The following ITPRID2 variants were observed in gnomAD, a reference collection of about 807,000 sequenced individuals.
ITPRID2 encodes protein ITPRID2.
Under a neutral mutation model 124.3 loss-of-function variants are expected in ITPRID2, and 60 were observed. That is an observed-to-expected ratio of 0.48 (90% CI 0.39 to 0.60). ITPRID2 has a LOEUF of 0.60. ITPRID2 is among the 20% of genes least tolerant of loss of function. The pLI, the probability that ITPRID2 is intolerant of heterozygous loss-of-function variation, is 0.00. For synonymous variants in ITPRID2, 521 were observed against 542.9 expected, an observed-to-expected ratio of 0.96 and a Z score of 0.56; for missense variants, 1,553 against 1,512.2, an observed-to-expected ratio of 1.03 and a Z score of -0.45.
rs772172499 is a variant in ITPRID2, at chr2:181,900,879, A to G, written c.687A>G (p.Val229=). ...GTGCTCAGATGCAACGGATGGAAGT[A>G]GAAAACCCAAATTATGCTTTAACAA... is the stretch of plus-strand genomic sequence containing the variant. ...FLSAQMQRME[V]ENPNYALTSR... Residue 229 remains valine, a synonymous_variant, in exon 7 of 18, where the codon GTA becomes GTG. Coordinates refer to ENST00000431877, the MANE Select transcript of ITPRID2 (RefSeq NM_001130445.3). 3.7e-6 allele frequency: 6 copies of G among 1,610,584 alleles called. No homozygotes were observed. Among genetic ancestry groups the G allele is most frequent in the East Asian group, 4.5e-5 (2 of 44,756 alleles).
chr2:181,920,450 G>T (rs572716486), intron 14 of ITPRID2, 147 bp from the exon 15 acceptor site: 5 of 493,916 alleles, frequency 1.0e-5, no homozygotes, highest in African/African-American at 9.9e-5. Context: ...GTGACATAAA[G>T]GGATGCTTCC....
Position 181,915,376 on chromosome 2 carries a change from T to C in ITPRID2, c.1736T>C (p.Leu579Pro), listed in dbSNP as rs767541170. The C allele has an allele frequency of 6.2e-7, 1 of 1,614,108 alleles. No homozygotes were observed. The highest frequency in any genetic ancestry group is 2.2e-5 in the East Asian group (1 of 44,872). Reference protein sequence around the residue: ...EESLVPLQKGLEKAAAVADKR... With the variant: ...EESLVPLQKGPEKAAAVADKR... ...TCTCTTGTCCCTCTTCAGAAGGGACTAGAGAAGGCAGCAGCAGTTGCAGAC... is the reference window on the plus strand; with the variant it reads ...TCTCTTGTCCCTCTTCAGAAGGGACCAGAGAAGGCAGCAGCAGTTGCAGAC... Residue 579 changes from leucine (L) to proline (P), a missense_variant, in exon 11 of 18, where the codon CTA (leucine) becomes CCA (proline). Transcript: ENST00000431877.
At chr2:181,926,213 G>T (rs148952424) in intron 16 of ITPRID2, among the ~76,000 whole-genome samples, 1 of 151,648 alleles carries the variant, frequency 6.6e-6, no homozygotes, top group South Asian at 2.1e-4. Context: ...GCAGTGAGCC[G>T]AGATTGCGCC....
chr2:181,921,231 A>G (rs1212697834), intron 15 of ITPRID2, among the ~76,000 whole-genome samples: 1 of 151,848 alleles, frequency 6.6e-6, no homozygotes, highest in Non-Finnish European at 1.5e-5. Context: ...TAATCCCAGC[A>G]TTTTGGGAGG....
chr2:181,896,771 A>G lies in ITPRID2; in HGVS notation c.308-137A>G. 1.4e-6 allele frequency: 1 copy of G among 694,390 alleles called. No homozygotes were observed. Among genetic ancestry groups the G allele is most frequent in the Non-Finnish European group, 2.6e-6 (1 of 388,678 alleles). The allele number at this position is 694,390 out of a possible 1,614,324, so 43.0% of individuals were successfully genotyped here. A position where few individuals can be genotyped will look rare whatever the true frequency, so the allele number is the denominator to read the frequency against. On this transcript the variant is annotated intron_variant, in intron 3 of 17. Transcript: ENST00000431877. The surrounding 1 kb of genome is among the most constrained non-coding windows in gnomAD (Gnocchi z 4.3). ...CTTCTTGAAGTTATATAATCAGAAT[A>G]ATGTCTGAGTACATTCAAGTCTGAA...
intron 9 of ITPRID2, among the ~76,000 whole-genome samples, chr2:181,911,214 A>G (rs1419074636): frequency 1.3e-5 from 2 of 152,228 alleles, no homozygotes; most frequent in African/African-American, 2.4e-5. Context: ...CATCATCTTG[A>G]AAAGTATCCT....
rs1691726242 is a variant in ITPRID2 at position 181,891,941 on chromosome 2, C to T, written c.-126C>T. 1.6e-5 allele frequency: 9 copies of T among 565,974 alleles called. No individual in the cohort carries two copies. Among genetic ancestry groups the T allele is most frequent in the South Asian group, 8.0e-5 (4 of 49,922 alleles). 35.1% of individuals were successfully genotyped at this position (565,974 alleles called of 1,614,324 possible). A position where few individuals can be genotyped will look rare whatever the true frequency, so the allele number is the denominator to read the frequency against. On this transcript the variant is annotated 5_prime_UTR_variant, in exon 1 of 18. Transcript: ENST00000431877. ...GTCCCCTCCTCCTCCTCCTCCTCCT[C>T]CGGCGCCCGCTTCAGCTCCCCGGGG...
At chr2:181,929,115 G>A (rs1695096068) in intron 17 of ITPRID2, among the ~76,000 whole-genome samples, 1 of 151,446 alleles carries the variant, frequency 6.6e-6, no homozygotes, top group South Asian at 2.1e-4. Context: ...TAGAGATGGG[G>A]TCTTGCTATG....
intron 8 of ITPRID2, among the ~76,000 whole-genome samples, chr2:181,908,722 A>C (rs1475860198): frequency 6.6e-6 from 1 of 152,214 alleles, no homozygotes; most frequent in Non-Finnish European, 1.5e-5. Flanking sequence ...GGGTAATACT[A>C]TCTTTAACCT....
chr2:181,915,972 G>C lies in ITPRID2; in HGVS notation c.2332G>C (p.Glu778Gln). The stretch of plus-strand genomic sequence containing the variant: ...TTCCTTCACCTATAAGTACACACCT[G>C]AAGAGGAGCAGGAATTGGAAAAGCG... ...PPSFTYKYTP[E>Q]EEQELEKRVM... Residue 778 changes from glutamate (E) to glutamine (Q), a missense_variant, in exon 11 of 18, where the codon GAA becomes CAA. By Grantham distance (29) the Glu-to-Gln change is conservative. Transcript: ENST00000431877. The C allele has an allele frequency of 6.2e-7, 1 of 1,614,194 alleles. No homozygotes were observed. Among genetic ancestry groups the C allele is most frequent in the Non-Finnish European group, 8.5e-7 (1 of 1,180,022 alleles).
chr2:181,904,434 A>G (rs768419426), intron 8 of ITPRID2, among the ~76,000 whole-genome samples: 1 of 152,076 alleles, frequency 6.6e-6, no homozygotes, highest in Non-Finnish European at 1.5e-5. Flanking sequence ...ATGGATAAAA[A>G]CCTCCTGGAA....
Position 181,919,435 on chromosome 2 carries a change from T to G in ITPRID2, c.3133T>G (p.Ser1045Ala), listed in dbSNP as rs1234773688. ...GCGCATGCCTTCACCCTTCCGCTCC[T>G]CCGCACTCATGGTACGCTACCTGGA... ...AVRMPSPFRS[S>A]ALMGMCGSRS... is the part of the protein sequence containing the mutation. Residue 1045 changes from serine (S) to alanine (A), a missense_variant, in exon 14 of 18, where the codon TCC (serine) becomes GCC (alanine). Physicochemically the swap from Ser to Ala is moderately conservative, Grantham distance 99. Coordinates refer to ENST00000431877, the MANE Select transcript of ITPRID2 (RefSeq NM_001130445.3). The surrounding 1 kb of genome is among the most constrained non-coding windows in gnomAD (Gnocchi z 4.2). 26 of 1,593,180 alleles carry G rather than the reference T, an allele frequency of 1.6e-5. No individual in the cohort carries two copies. Among genetic ancestry groups the G allele is most frequent in the Non-Finnish European group, 2.0e-5 (23 of 1,169,852 alleles).
At chr2:181,898,026 G>T (rs770588325) in intron 4 of ITPRID2, among the ~76,000 whole-genome samples, 1 of 151,924 alleles carries the variant, frequency 6.6e-6, no homozygotes, top group Non-Finnish European at 1.5e-5. Flanking sequence ...AATATTGAAT[G>T]ATTTTATTGG....
chr2:181,925,804 G>A (rs572952644), intron 16 of ITPRID2, among the ~76,000 whole-genome samples: 93 of 151,636 alleles, frequency 6.1e-4, no homozygotes, highest in Middle Eastern at 3.4e-3. Context: ...ATTTGAGACC[G>A]TCTTGCTACA....
Position 181,892,385 on chromosome 2 carries a change from C to G in ITPRID2, c.211+108C>G, listed in dbSNP as rs1342888878. On this transcript the variant is annotated intron_variant, in intron 1 of 17. Coordinates refer to ENST00000431877, the MANE Select transcript of ITPRID2 (RefSeq NM_001130445.3). The surrounding 1 kb of genome is among the most constrained non-coding windows in gnomAD (Gnocchi z 5.2). Reference sequence around the variant, plus strand: ...TGGGAGAGCCTCGGGCACGGTAGGCCGAGGGGAGAGGGGACACTTCCGACC... The same window carrying G: ...TGGGAGAGCCTCGGGCACGGTAGGCGGAGGGGAGAGGGGACACTTCCGACC... The G allele has an allele frequency of 3.0e-6, 4 of 1,323,912 alleles. No homozygotes were observed. Among genetic ancestry groups the G allele is most frequent in the African/African-American group, 1.5e-5 (1 of 68,050 alleles). The allele number at this position is 1,323,912 out of a possible 1,614,324, so 82.0% of individuals were successfully genotyped here. A position where few individuals can be genotyped will look rare whatever the true frequency, so the allele number is the denominator to read the frequency against.
At chr2:181,911,260 G>A (rs1269030488) in intron 9 of ITPRID2, among the ~76,000 whole-genome samples, 1 of 152,126 alleles carries the variant, frequency 6.6e-6, no homozygotes, top group Non-Finnish European at 1.5e-5. Flanking sequence ...GATCATAACT[G>A]TAGAGTTAGA....
chr2:181,921,268 A>T (rs1232280019), intron 15 of ITPRID2, among the ~76,000 whole-genome samples: 1 of 152,140 alleles, frequency 6.6e-6, no homozygotes, highest in African/African-American at 2.4e-5. Context: ...ACCTGAGGTC[A>T]GGAGTTGAAG....
At chr2:181,925,584 G>T (rs1205115153) in intron 16 of ITPRID2, among the ~76,000 whole-genome samples, 1 of 151,974 alleles carries the variant, frequency 6.6e-6, no homozygotes, top group East Asian at 1.9e-4. Context: ...TCTCACCCTT[G>T]TGCTTTCTCA....
In ITPRID2 at chr2:181,917,032, C is replaced by G. The variant is rs1031399754; in HGVS notation, c.2787+605C>G. 6 of 979,962 alleles carry G rather than the reference C, an allele frequency of 6.1e-6. No individual in the cohort carries two copies. In the African/African-American group the frequency reaches 1.1e-4, roughly 17 times the overall value. The allele number at this position is 979,962 out of a possible 1,614,324, so 60.7% of individuals were successfully genotyped here. A position where few individuals can be genotyped will look rare whatever the true frequency, so the allele number is the denominator to read the frequency against. On this transcript the variant is annotated intron_variant, in intron 11 of 17. Coordinates refer to ENST00000431877, the MANE Select transcript of ITPRID2 (RefSeq NM_001130445.3). ...TAAAGTGTGAATTTGATTTAAAATG[C>G]TCTGTATGTCTTGTCACTTTTAAAG... is the stretch of plus-strand genomic sequence containing the variant.
Sources: gnomAD v4.1 joint callset for allele counts (sites outside exome capture counted in the v4.1 genomes callset) on GRCh38, gnomAD v4.1.1 for gene constraint, Gnocchi (gnomAD v3.1) non-coding constraint, MANE v1.5 for transcripts, NCBI Gene and HGNC (gene_info 2026-07-23, HGNC 2026-07-21) for gene names.